SLC19A2: variants seen among roughly 807,000 people sequenced by gnomAD.
The protein encoded by SLC19A2 is thiamine transporter 1.
SLC19A2 carries 27 observed loss-of-function variants against 44.7 expected under a neutral mutation model. That is an observed-to-expected ratio of 0.60 (90% CI 0.45 to 0.83). SLC19A2 has a LOEUF of 0.83. Among genes scored for constraint, SLC19A2 ranks in the 40% least tolerant of loss-of-function variants. SLC19A2 has a pLI of 0.00. For missense variants in SLC19A2, 566 were observed against 613.7 expected, an observed-to-expected ratio of 0.92 and a Z score of 0.82; for synonymous variants, 239 against 243.6, an observed-to-expected ratio of 0.98 and a Z score of 0.18.
rs1356745379 is a variant in SLC19A2, at chr1:169,471,503, ACACAC to A, written c.808-1322_808-1318del. 2.1e-5 allele frequency among the ~76,000 whole-genome samples: 2 copies of A among 94,768 alleles called. 1 individual carries two copies. The highest frequency in any genetic ancestry group is 6.5e-5 in the African/African-American group (2 of 30,868). 62.2% of individuals were successfully genotyped at this position (94,768 alleles called of 152,430 possible). A position where few individuals can be genotyped will look rare whatever the true frequency, so the allele number is the denominator to read the frequency against. ...CACACACACACACACACACACACAC[ACACAC>A]AATTTAATTAGCTGGGTGTGGTGGT... On this transcript the variant is annotated intron_variant, in intron 2 of 5. Coordinates refer to ENST00000236137, the MANE Select transcript of SLC19A2 (RefSeq NM_006996.3).
At chr1:169,476,967 T>C (rs1658334509) in intron 2 of SLC19A2, among the ~76,000 whole-genome samples, 188 bp downstream of exon 2, 1 of 152,150 alleles carries the variant, frequency 6.6e-6, no homozygotes, top group Non-Finnish European at 1.5e-5. Flanking sequence ...AATAAATGTG[T>C]CATCCCTAAT....
At chr1:169,474,445 T>A (rs184529626) in intron 2 of SLC19A2, among the ~76,000 whole-genome samples, 15 of 152,176 alleles carry the variant, frequency 9.9e-5, no homozygotes, top group Non-Finnish European at 1.6e-4. Context: ...GCCAACTACA[T>A]AATGAATCCA....
rs988805442 is a variant in SLC19A2 at position 169,468,359 on chromosome 1, C to T, written c.1224-107G>A. The T allele has an allele frequency of 4.3e-6, 4 of 935,014 alleles. No individual in the cohort carries two copies. The African/African-American group carries it at 7.7e-5, about 18-fold the overall frequency. 57.9% of individuals were successfully genotyped at this position (935,014 alleles called of 1,614,324 possible). ...TTATCTTTAAACATGAAGAGTCCTT[C>T]TTTCTACTGTCAATTGCCTTTCCAA... On this transcript the variant is annotated intron_variant, in intron 4 of 5. Coordinates refer to ENST00000236137, the MANE Select transcript of SLC19A2 (RefSeq NM_006996.3).
chr1:169,477,222 A>G lies in SLC19A2; in HGVS notation c.740T>C (p.Leu247Pro). 6.2e-7 allele frequency: 1 copy of G among 1,614,172 alleles called. No homozygotes were observed. ...IVTDTPASNH[L>P]PGWEDIESKI... ...TGACTCAATGTCCTCCCAGCCAGGA[A>G]GGTGGTTAGAAGCTGGGGTGTCAGT... Residue 247 changes from leucine to proline, a missense_variant, in exon 2 of 6, where the codon CTT becomes CCT. Coordinates refer to ENST00000236137, the MANE Select transcript of SLC19A2 (RefSeq NM_006996.3).
At position 169,477,279 on chromosome 1, in the gene SLC19A2, T is replaced by C; in HGVS notation, c.683A>G (p.Asn228Ser). 1 of 1,614,174 alleles carries C rather than the reference T, an allele frequency of 6.2e-7. No individual in the cohort carries two copies. Among genetic ancestry groups the C allele is most frequent in the South Asian group, 1.1e-5 (1 of 91,076 alleles). ...HHIPSTCQRVNGIKVQNGGIV... is the reference protein window; with the variant it reads ...HHIPSTCQRVSGIKVQNGGIV... Reference sequence around the variant, plus strand: ...GCCACCATTTTGTACCTTGATGCCATTCACTCTCTGGCAGGTAGAAGGAAT... The same window carrying C: ...GCCACCATTTTGTACCTTGATGCCACTCACTCTCTGGCAGGTAGAAGGAAT... Residue 228 changes from asparagine (N) to serine (S), a missense_variant, in exon 2 of 6, where the codon AAT becomes AGT. Asn to Ser is a conservative substitution (Grantham distance 46, BLOSUM62 1). Coordinates refer to ENST00000236137, the MANE Select transcript of SLC19A2 (RefSeq NM_006996.3).
At chr1:169,474,574 G>T (rs1013840151) in intron 2 of SLC19A2, among the ~76,000 whole-genome samples, 1 of 152,114 alleles carries the variant, frequency 6.6e-6, no homozygotes, top group African/African-American at 2.4e-5. Flanking sequence ...AAGGTAACTT[G>T]TAGAATGAGC....
At chr1:169,469,834 C>G in intron 3 of SLC19A2, 130 bp downstream of exon 3, 1 of 871,070 alleles carries the variant, frequency 1.1e-6, no homozygotes, top group Non-Finnish European at 1.9e-6. Context: ...ATTGTAAAAT[C>G]TAGCTCAAAA....
At position 169,485,541 on chromosome 1, in the gene SLC19A2, G is replaced by T. The variant is rs1409844612; in HGVS notation, c.204+22C>A. The stretch of plus-strand genomic sequence containing the variant: ...CAGGCCGGTCGCCCGCCCTTCCCGC[G>T]CCCCGCGTCCGCCGCGCGTACCTCC... On this transcript the variant is annotated intron_variant, in intron 1 of 5. Transcript: ENST00000236137. 7.0e-6 allele frequency: 11 copies of T among 1,569,322 alleles called. No homozygotes were observed. The East Asian group carries it at 2.4e-4, about 34-fold the overall frequency.
chr1:169,474,088 G>A (rs554954036), intron 2 of SLC19A2: 13 of 152,210 alleles, frequency 8.5e-5, no homozygotes, highest in Admixed American at 2.6e-4. Flanking sequence ...ATAGATTTTC[G>A]TTCATTTTGG....
chr1:169,483,779 C>T (rs146406862), intron 1 of SLC19A2, among the ~76,000 whole-genome samples: 123 of 152,298 alleles, frequency 8.1e-4, no homozygotes, highest in African/African-American at 2.7e-3. Context: ...TTTCACTATC[C>T]GGAAAGGCGC....
At position 169,477,537 on chromosome 1, in the gene SLC19A2, T is replaced by C. The variant is rs1658353020; in HGVS notation, c.425A>G (p.Tyr142Cys). ...GTCCACCACACTGTAGATATAAGAG[T>C]AATAGGCAATTTCAGTGGCTGTGGC... ...GIATATEIAY[Y>C]SYIYSVVDLG... is the part of the protein sequence containing the mutation. The change falls in exon 2 of 6, where the codon TAC (tyrosine) becomes TGC (cysteine). Residue 142 changes from tyrosine (Y) to cysteine (C), a missense_variant. Tyr to Cys is a radical substitution (Grantham distance 194). Transcript: ENST00000236137. The C allele has an allele frequency of 1.2e-6, 2 of 1,613,680 alleles. No homozygotes were observed. Among genetic ancestry groups the C allele is most frequent in the African/African-American group, 1.3e-5 (1 of 74,768 alleles).
chr1:169,485,919 C>G lies in SLC19A2; in HGVS notation c.-153G>C. 1.1e-6 allele frequency: 1 copy of G among 884,406 alleles called. No individual in the cohort carries two copies. The highest frequency in any genetic ancestry group is 1.8e-5 in the South Asian group (1 of 56,694). The allele number at this position is 884,406 out of a possible 1,614,324, so 54.8% of individuals were successfully genotyped here. On this transcript the variant is annotated 5_prime_UTR_variant, in exon 1 of 6. Transcript: ENST00000236137. ...CGCCGCCGCCTCCGGCTACAGAACC[C>G]CCAGCTTTACCCTACAGACGCCTCT...
Position 169,485,721 on chromosome 1 carries a change from C to G in SLC19A2, c.46G>C (p.Ala16Pro), listed in dbSNP as rs1384945265. Residue 16 changes from alanine to proline, a missense_variant, in exon 1 of 6, where the codon GCC (alanine) becomes CCC (proline). By Grantham distance (27) the Ala-to-Pro change is conservative. Transcript: ENST00000236137. ...PVSRRAAAAA[A>P]TVLLRTARVR... is the part of the protein sequence containing the mutation. Reference sequence around the variant, plus strand: ...CGAGCGGTCCGCAGGAGCACAGTGGCCGCCGCCGCCGCCGCCCGCCGAGAC... The same window carrying G: ...CGAGCGGTCCGCAGGAGCACAGTGGGCGCCGCCGCCGCCGCCCGCCGAGAC... The G allele has an allele frequency of 2.6e-6, 4 of 1,532,166 alleles. No homozygotes were observed. In the African/African-American group the frequency reaches 5.5e-5, roughly 21 times the overall value. 94.9% of individuals were successfully genotyped at this position (1,532,166 alleles called of 1,614,324 possible). A position where few individuals can be genotyped will look rare whatever the true frequency, so the allele number is the denominator to read the frequency against.
At chr1:169,466,147 G>C (rs964440836) in intron 5 of SLC19A2, among the ~76,000 whole-genome samples, 170 bp from the exon 6 acceptor site, 1 of 152,144 alleles carries the variant, frequency 6.6e-6, no homozygotes. Context: ...ACTAAATAAA[G>C]CCTGACTGCC....
intron 5 of SLC19A2, among the ~76,000 whole-genome samples, chr1:169,466,723 C>T (rs916474971): frequency 6.6e-6 from 1 of 152,008 alleles, no homozygotes; most frequent in African/African-American, 2.4e-5. Context: ...GTGTTGTTCC[C>T]CTCCCTGTGT....
chr1:169,464,685 G>C lies in SLC19A2; in HGVS notation c.*1164C>G, dbSNP rs1278467192. 1 of 152,482 alleles carries C rather than the reference G, an allele frequency of 6.6e-6. No homozygotes were observed. Among genetic ancestry groups the C allele is most frequent in the African/African-American group, 2.4e-5 (1 of 41,398 alleles). The allele number at this position is 152,482 out of a possible 1,614,324, so 9.4% of individuals were successfully genotyped here. A position where few individuals can be genotyped will look rare whatever the true frequency, so the allele number is the denominator to read the frequency against. On this transcript the variant is annotated 3_prime_UTR_variant, in exon 6 of 6. Coordinates refer to ENST00000236137, the MANE Select transcript of SLC19A2 (RefSeq NM_006996.3). ...AAATGCATATAGAACATTTTTTCAA[G>C]TAACTTGGTAATGAAATCACTAGCA... is the stretch of plus-strand genomic sequence containing the variant.
chr1:169,484,363 A>G (rs961819132), intron 1 of SLC19A2, among the ~76,000 whole-genome samples: 5 of 152,276 alleles, frequency 3.3e-5, no homozygotes, highest in African/African-American at 1.2e-4. Context: ...CTGAGTGGCT[A>G]CTCAAAAGAA....
At chr1:169,476,144 T>TA (rs201824773) in intron 2 of SLC19A2, among the ~76,000 whole-genome samples, 13,918 of 145,418 alleles carry the variant, frequency 0.096, 776 homozygotes, top group Admixed American at 0.2. Flanking sequence ...CTTGAATATT[T>TA]AAAAAAAAAA....
chr1:169,478,337 C>CT lies in SLC19A2; in HGVS notation c.205-581dup, dbSNP rs61006818. On this transcript the variant is annotated intron_variant, in intron 1 of 5. Coordinates refer to ENST00000236137, the MANE Select transcript of SLC19A2 (RefSeq NM_006996.3). ...GTACTTGTATTACAACATTCAAACC[C>CT]TTTTTTTTTTTTTGGTTTTGTTTTT... 3.3e-3 allele frequency among the ~76,000 whole-genome samples: 454 copies of CT among 139,538 alleles called. 5 individuals are homozygous for CT. The highest frequency in any genetic ancestry group is 6.8e-3 in the East Asian group (33 of 4,866). The allele number at this position is 139,538 out of a possible 152,430, so 91.5% of individuals were successfully genotyped here.
Sources: allele counts gnomAD v4.1 joint callset (sites outside exome capture counted in the v4.1 genomes callset), GRCh38; gene constraint gnomAD v4.1.1; transcripts MANE v1.5; gene names NCBI Gene and HGNC (gene_info 2026-07-23, HGNC 2026-07-21).